NEGR1: variants seen among roughly 807,000 people sequenced by gnomAD.
NEGR1 encodes IgLON family member 4.
In NEGR1, 10 loss-of-function variants were observed where a neutral mutation model predicts 40.9. That is an observed-to-expected ratio of 0.24 (90% CI 0.15 to 0.42). NEGR1 has a LOEUF of 0.42. Ranked by LOEUF, NEGR1 falls within the 10% of genes least tolerant of loss-of-function variation. The pLI is 1.00. For missense variants in NEGR1, 352 were observed against 438.9 expected, an observed-to-expected ratio of 0.80 and a Z score of 1.77; for synonymous variants, 185 against 166.8, an observed-to-expected ratio of 1.11 and a Z score of -0.84.
intron 2 of NEGR1, among the ~76,000 whole-genome samples, chr1:71,906,233 T>C (rs1299580918): frequency 6.6e-6 from 1 of 151,650 alleles, no homozygotes; most frequent in East Asian, 1.9e-4. Flanking sequence ...AGGGACTTGG[T>C]GGGGAGAAGG....
At chr1:71,802,701 C>T (rs1657605147) in intron 2 of NEGR1, among the ~76,000 whole-genome samples, 1 of 152,138 alleles carries the variant, frequency 6.6e-6, no homozygotes, top group African/African-American at 2.4e-5. Flanking sequence ...AATAAAATGC[C>T]TTGATAGGTT....
At chr1:72,119,095 T>C (rs1649693297) in intron 1 of NEGR1, among the ~76,000 whole-genome samples, 1 of 151,934 alleles carries the variant, frequency 6.6e-6, no homozygotes, top group Non-Finnish European at 1.5e-5. Flanking sequence ...ATTCTAATTA[T>C]TTTCTTCATC....
chr1:72,067,373 A>G (rs1352521031), intron 1 of NEGR1, among the ~76,000 whole-genome samples: 1 of 152,092 alleles, frequency 6.6e-6, no homozygotes, highest in African/African-American at 2.4e-5. Context: ...GATTTTATGT[A>G]AAAGTGAGAT....
At chr1:71,624,010 G>T (rs1650689656) in intron 4 of NEGR1, among the ~76,000 whole-genome samples, 1 of 151,698 alleles carries the variant, frequency 6.6e-6, no homozygotes, top group African/African-American at 2.4e-5. Context: ...TTTTGCTCAG[G>T]AATACATACA....
chr1:71,881,180 T>C (rs969445076), intron 2 of NEGR1, among the ~76,000 whole-genome samples: 6 of 152,150 alleles, frequency 3.9e-5, no homozygotes, highest in Non-Finnish European at 7.4e-5. Context: ...ACACAGATCA[T>C]AGGACCCTAA....
intron 1 of NEGR1, among the ~76,000 whole-genome samples, chr1:72,020,570 G>A (rs1398713361): frequency 2.6e-5 from 4 of 151,418 alleles, no homozygotes; most frequent in South Asian, 2.1e-4. Flanking sequence ...ATACAAGAAC[G>A]AACACTGGAA....
chr1:71,434,898 T>C (rs372322998), intron 6 of NEGR1, among the ~76,000 whole-genome samples: 1,646 of 152,290 alleles, frequency 0.011, 13 homozygotes, highest in African/African-American at 0.02. Flanking sequence ...AAGACCATCC[T>C]GGCTAAAACG....
chr1:71,994,496 C>G (rs1350393721), intron 1 of NEGR1, among the ~76,000 whole-genome samples: 1 of 150,418 alleles, frequency 6.6e-6, no homozygotes, highest in South Asian at 2.1e-4. Context: ...CTACCGCACT[C>G]CAGCCTGGGC....
intron 6 of NEGR1, among the ~76,000 whole-genome samples, chr1:71,424,043 A>T (rs1646414133): frequency 6.6e-6 from 1 of 151,454 alleles, no homozygotes; most frequent in Non-Finnish European, 1.5e-5. Context: ...GCAATTTGAG[A>T]CTAAGGCATA....
At chr1:71,417,621 G>A (rs1191626256) in intron 6 of NEGR1, among the ~76,000 whole-genome samples, 1 of 152,090 alleles carries the variant, frequency 6.6e-6, no homozygotes, top group Non-Finnish European at 1.5e-5. Context: ...TATGGATGGA[G>A]GCCATATTTC....
At chr1:71,990,324 T>C (rs186088213) in intron 1 of NEGR1, among the ~76,000 whole-genome samples, 1 of 152,264 alleles carries the variant, frequency 6.6e-6, no homozygotes, top group Non-Finnish European at 1.5e-5. Flanking sequence ...TATTATTTAA[T>C]ATTGGTAAGC....
chr1:72,257,770 T>C (rs778843507), intron 1 of NEGR1, among the ~76,000 whole-genome samples: 13 of 152,154 alleles, frequency 8.5e-5, no homozygotes, highest in Non-Finnish European at 1.5e-4. Context: ...CATCAATTAC[T>C]TACCTGATCA....
At chr1:71,511,482 C>G (rs919075480) in intron 6 of NEGR1, among the ~76,000 whole-genome samples, 1 of 152,144 alleles carries the variant, frequency 6.6e-6, no homozygotes, top group African/African-American at 2.4e-5. Flanking sequence ...TTCACTATTA[C>G]AAATAATATA....
At chr1:72,094,210 A>G (rs1380241433) in intron 1 of NEGR1, among the ~76,000 whole-genome samples, 23 of 152,186 alleles carry the variant, frequency 1.5e-4, no homozygotes, top group Non-Finnish European at 3.4e-4. Flanking sequence ...TAATTGCACA[A>G]TTAGAAAAGG....
chr1:71,527,411 C>T (rs1180604136), intron 6 of NEGR1, among the ~76,000 whole-genome samples: 1 of 87,740 alleles, frequency 1.1e-5, no homozygotes, highest in Non-Finnish European at 2.9e-5. Flanking sequence ...CACCATCCAT[C>T]CATCCATCCA....
chr1:71,750,087 A>G lies in NEGR1; in HGVS notation c.535+26085T>C, dbSNP rs543903058. Among the ~76,000 whole-genome samples, 220 of 148,152 alleles carry G rather than the reference A, an allele frequency of 1.5e-3. 1 individual carries two copies. Among genetic ancestry groups the G allele is most frequent in the Admixed American group, 9.0e-3 (132 of 14,686 alleles). ...CGGCTCACTGCAAGCTCCGCTTCCC[A>G]GGTTCACGCCATTCTCCTGCCTCAG... On this transcript the variant is annotated intron_variant, in intron 3 of 6. Transcript: ENST00000357731.
chr1:71,733,470 T>C (rs1163247103), intron 3 of NEGR1, among the ~76,000 whole-genome samples: 1 of 152,198 alleles, frequency 6.6e-6, no homozygotes, highest in Admixed American at 6.6e-5. Flanking sequence ...TTCCAAATAT[T>C]CTCTTATTTG....
chr1:72,003,209 C>G (rs1284825822), intron 1 of NEGR1, among the ~76,000 whole-genome samples: 1 of 151,062 alleles, frequency 6.6e-6, no homozygotes, highest in Non-Finnish European at 1.5e-5. Flanking sequence ...GCTTTTAAGC[C>G]CTATCTGAGT....
At chr1:71,838,785 T>C (rs1343680815) in intron 2 of NEGR1, among the ~76,000 whole-genome samples, 1 of 152,082 alleles carries the variant, frequency 6.6e-6, no homozygotes, top group African/African-American at 2.4e-5. Flanking sequence ...CTAGAATAAA[T>C]GGCCTGAAAT....
Sources: gnomAD v4.1 joint callset for allele counts (sites outside exome capture counted in the v4.1 genomes callset) on GRCh38, gnomAD v4.1.1 for gene constraint, MANE v1.5 for transcripts, NCBI Gene and HGNC (gene_info 2026-07-23, HGNC 2026-07-21) for gene names.